Variants in TLN2 observed in about 807,000 individuals in gnomAD.
The protein encoded by TLN2 is talin-2.
TLN2 carries 118 observed loss-of-function variants against 294.7 expected under a neutral mutation model. That is an observed-to-expected ratio of 0.40 (90% CI 0.34 to 0.47). TLN2 has a LOEUF of 0.47. TLN2 is among the 20% of genes least tolerant of loss of function. TLN2 has a pLI of 0.84. For missense variants in TLN2, 3,083 were observed against 3,282.2 expected (o/e 0.94, Z 1.48); for synonymous variants, 1,431 against 1,304.5 (o/e 1.10, Z -2.09).
chr15:62,541,312 A>G (rs958845452), intron 1 of TLN2, among the ~76,000 whole-genome samples: 3 of 152,158 alleles, frequency 2.0e-5, no homozygotes, highest in South Asian at 2.1e-4. Context: ...TGTATTGACT[A>G]TTGCTATTAT....
At chr15:62,571,220 G>A (rs1364163068) in intron 1 of TLN2, among the ~76,000 whole-genome samples, 4 of 152,156 alleles carry the variant, frequency 2.6e-5, no homozygotes, top group Non-Finnish European at 4.4e-5. Flanking sequence ...TTTTGCTTGC[G>A]TTATTCCTCA....
chr15:62,786,546 C>G (rs192155873), intron 45 of TLN2, among the ~76,000 whole-genome samples: 1 of 152,306 alleles, frequency 6.6e-6, no homozygotes, highest in East Asian at 1.9e-4. Context: ...ATCCTATGAG[C>G]CACAACTTCT....
At chr15:62,504,850 A>T (rs59324001) in intron 1 of TLN2, among the ~76,000 whole-genome samples, 26,397 of 117,288 alleles carry the variant, frequency 0.23, 3,037 homozygotes, top group East Asian at 0.51. Context: ...TGTGTGTGAG[A>T]GAGAGAGAGA....
chr15:62,484,304 GC>G lies in TLN2; in HGVS notation c.-238+93620del, dbSNP rs539679786. Among the ~76,000 whole-genome samples the G allele has an allele frequency of 2.4e-4, 37 of 152,300 alleles. 1 individual carries two copies. In the South Asian group the frequency reaches 6.8e-3, roughly 28 times the overall value. On this transcript the variant is annotated intron_variant, in intron 1 of 58. Coordinates refer to ENST00000636159, the MANE Select transcript of TLN2 (RefSeq NM_015059.3). Reference sequence around the variant, plus strand: ...TTTATTACTAAAAAAAGAAATAATAGCGTTCTGGTGGCAAAGTATCCTACGA... The same window carrying G: ...TTTATTACTAAAAAAAGAAATAATAGGTTCTGGTGGCAAAGTATCCTACGA...
rs141816570 is a variant in TLN2, at chr15:62,776,797, G to T, written c.5401G>T (p.Ala1801Ser). Residue 1801 changes from alanine (A) to serine (S), a missense_variant, in exon 43 of 59, where the codon GCC becomes TCC. By Grantham distance (99) the Ala-to-Ser change is moderately conservative (BLOSUM62 1). Coordinates refer to ENST00000636159, the MANE Select transcript of TLN2 (RefSeq NM_015059.3). ...QHTHDAITEA[A>S]QLMKEAVDDI... Reference sequence around the variant, plus strand: ...CACCCATGACGCCATCACAGAGGCCGCCCAGTTGATGAAGGAAGCCGTGGA... The same window carrying T: ...CACCCATGACGCCATCACAGAGGCCTCCCAGTTGATGAAGGAAGCCGTGGA... 1 of 1,593,472 alleles carries T rather than the reference G, an allele frequency of 6.3e-7. No individual in the cohort carries two copies. Among genetic ancestry groups the T allele is most frequent in the East Asian group, 2.3e-5 (1 of 43,328 alleles).
chr15:62,735,752 C>A (rs2060975840), intron 28 of TLN2, among the ~76,000 whole-genome samples: 2 of 152,084 alleles, frequency 1.3e-5, no homozygotes, highest in Non-Finnish European at 2.9e-5. Flanking sequence ...GAGAAGTGAT[C>A]CCATATGGCC....
intron 11 of TLN2, among the ~76,000 whole-genome samples, chr15:62,681,537 T>A (rs2056829092): frequency 1.3e-5 from 2 of 152,202 alleles, no homozygotes; most frequent in Non-Finnish European, 2.9e-5. Context: ...AAATTTTATG[T>A]CATTGTAATA....
chr15:62,688,521 A>G (rs2057489326), intron 12 of TLN2, among the ~76,000 whole-genome samples: 1 of 152,170 alleles, frequency 6.6e-6, no homozygotes, highest in South Asian at 2.1e-4. Flanking sequence ...TTAGATCCCT[A>G]TTAGTTGATG....
chr15:62,399,287 TAAG>T (rs2032834267), intron 1 of TLN2, among the ~76,000 whole-genome samples: 1 of 50,138 alleles, frequency 2.0e-5, no homozygotes, highest in African/African-American at 6.4e-5. Context: ...AAAAAAAAAG[TAAG>T]AAATGCTTGG....
At chr15:62,809,529 A>T (rs1028616091) in intron 51 of TLN2, among the ~76,000 whole-genome samples, 4 of 152,148 alleles carry the variant, frequency 2.6e-5, no homozygotes, top group Non-Finnish European at 2.9e-5. Flanking sequence ...AGGACCCCTT[A>T]AGCTGCTAAA....
chr15:62,695,158 A>G (rs1045646431), intron 14 of TLN2, among the ~76,000 whole-genome samples: 1 of 152,176 alleles, frequency 6.6e-6, no homozygotes, highest in Non-Finnish European at 1.5e-5. Context: ...AACATCTAAT[A>G]AATGGCTCTT....
intron 1 of TLN2, among the ~76,000 whole-genome samples, chr15:62,415,589 GC>G (rs2034027365): frequency 2.0e-5 from 2 of 101,728 alleles, no homozygotes; most frequent in Admixed American, 1.3e-4. Context: ...ACCCCTGCTT[GC>G]CCCATTCTGG....
intron 45 of TLN2, among the ~76,000 whole-genome samples, chr15:62,792,053 A>T (rs1237723415): frequency 6.6e-6 from 1 of 152,208 alleles, no homozygotes; most frequent in Non-Finnish European, 1.5e-5. Flanking sequence ...CTGGCCTGAT[A>T]GGAAGTCTGG....
At position 62,812,270 on chromosome 15, in the gene TLN2, C is replaced by A. The variant is rs80104388; in HGVS notation, c.6771+2238C>A. Among the ~76,000 whole-genome samples, 723 of 152,210 alleles carry A rather than the reference C, an allele frequency of 4.8e-3. 4 individuals are homozygous for A. The highest frequency in any genetic ancestry group is 0.015 in the African/African-American group (642 of 41,522). ...TCCTCGTATTTCCATTTCACTTCTC[C>A]CCAGTTCCATTTCTTAGTTGAACCG... On this transcript the variant is annotated intron_variant, in intron 52 of 58. Coordinates refer to ENST00000636159, the MANE Select transcript of TLN2 (RefSeq NM_015059.3).
At chr15:62,765,858 C>T (rs1007642802) in intron 40 of TLN2, among the ~76,000 whole-genome samples, 3 of 152,182 alleles carry the variant, frequency 2.0e-5, no homozygotes, top group African/African-American at 7.2e-5. Context: ...GGAAGTAGTC[C>T]TGCTTTCAAG....
chr15:62,737,107 T>C, intron 29 of TLN2, 21 bp downstream of exon 29: 1 of 1,612,952 alleles, frequency 6.2e-7, no homozygotes, highest in Non-Finnish European at 8.5e-7. Flanking sequence ...GAATGAGAAA[T>C]TGTGGTTGTC....
chr15:62,472,616 TA>T (rs1227662072), intron 1 of TLN2, among the ~76,000 whole-genome samples: 1 of 152,234 alleles, frequency 6.6e-6, no homozygotes, highest in East Asian at 1.9e-4. Context: ...CTTTGTTTAC[TA>T]GTGAGATTTA....
chr15:62,498,237 C>T (rs2039121377), intron 1 of TLN2, among the ~76,000 whole-genome samples: 1 of 147,140 alleles, frequency 6.8e-6, no homozygotes, highest in African/African-American at 2.5e-5. Flanking sequence ...TTTTTAAATT[C>T]TGAAGTAAAT....
intron 22 of TLN2, among the ~76,000 whole-genome samples, chr15:62,713,736 A>G (rs1032140293): frequency 3.9e-5 from 6 of 151,962 alleles, no homozygotes; most frequent in African/African-American, 9.7e-5. Context: ...TCCTCACTCA[A>G]CTGTCCATCA....
Sources: allele counts gnomAD v4.1 joint callset (sites outside exome capture counted in the v4.1 genomes callset), GRCh38; gene constraint gnomAD v4.1.1; transcripts MANE v1.5; gene names NCBI Gene and HGNC (gene_info 2026-07-23, HGNC 2026-07-21).